The following VIL1 variants were observed in gnomAD, a reference collection of about 807,000 sequenced individuals.
The protein encoded by VIL1 is villin 1, also known as villin-1.
In VIL1, 86 loss-of-function variants were observed where a neutral mutation model predicts 104.0. The observed-to-expected ratio is 0.83, with a 90% CI of 0.69 to 0.99. The LOEUF is 0.99. Among genes scored for constraint, VIL1 ranks in the 50% least tolerant of loss-of-function variants. The pLI is 0.00. For missense variants in VIL1, 944 were observed against 1,054.1 expected (o/e 0.90, Z 1.45); for synonymous variants, 394 against 412.6 (o/e 0.95, Z 0.55).
In VIL1 at chr2:218,428,239, T is replaced by C; in HGVS notation, c.469T>C (p.Trp157Arg). The stretch of plus-strand genomic sequence containing the variant: ...TGTGGCTCCCTAGGTAGAGATGTCC[T>C]GGAAGAGTTTCAACCGAGGGGATGT... ...NVVAGEVEMS[W>R]KSFNRGDVFL... Residue 157 changes from tryptophan to arginine, a missense_variant, in exon 6 of 20, where the codon TGG becomes CGG. Trp to Arg is a moderately radical substitution (Grantham distance 101, BLOSUM62 -3). Coordinates refer to ENST00000248444, the MANE Select transcript of VIL1 (RefSeq NM_007127.3). 1 of 1,614,104 alleles carries C rather than the reference T, an allele frequency of 6.2e-7. No individual in the cohort carries two copies.
intron 4 of VIL1, among the ~76,000 whole-genome samples, chr2:218,427,474 G>A (rs1031106910): frequency 6.6e-6 from 1 of 151,844 alleles, no homozygotes; most frequent in South Asian, 2.1e-4. Context: ...ACAGGCACCC[G>A]CCACCATGCC....
chr2:218,440,198 G>A (rs1689263287), intron 18 of VIL1, among the ~76,000 whole-genome samples: 1 of 152,216 alleles, frequency 6.6e-6, no homozygotes, highest in Admixed American at 6.5e-5. Flanking sequence ...CCATGGGAAA[G>A]TTAATGAATC....
At chr2:218,427,268 TTTC>T (rs2106391134) in intron 4 of VIL1, among the ~76,000 whole-genome samples, 1 of 152,252 alleles carries the variant, frequency 6.6e-6, no homozygotes, top group East Asian at 1.9e-4. Flanking sequence ...ATTCTTTTCT[TTTC>T]TTCCACTTTG....
Position 218,432,150 on chromosome 2 carries a change from C to G in VIL1, c.1308C>G (p.Gly436=), listed in dbSNP as rs759208946. ...CYLLLYTYLI[G]EKQHYLLYVW... The stretch of plus-strand genomic sequence containing the variant: ...TGCTGCTCTACACCTACCTCATCGG[C>G]GAGAAGCAGCATTACCTGCTCTACG... The change falls in exon 12 of 20, where the codon GGC becomes GGG. Residue 436 remains glycine (G), a synonymous_variant. Transcript: ENST00000248444. 3 of 1,613,882 alleles carry G rather than the reference C, an allele frequency of 1.9e-6. No individual in the cohort carries two copies. The African/African-American group carries it at 4.0e-5, about 22-fold the overall frequency.
In VIL1 at chr2:218,428,321, G is replaced by T; in HGVS notation, c.551G>T (p.Arg184Leu). 1 of 1,614,116 alleles carries T rather than the reference G, an allele frequency of 6.2e-7. No individual in the cohort carries two copies. The highest frequency in any genetic ancestry group is 1.3e-5 in the African/African-American group (1 of 75,034). The part of the protein sequence containing the change: ...IIQWNGPEST[R>L]MERLRGMTLA... ...CAGTGGAATGGACCGGAAAGCACCC[G>T]TATGGAGAGACTCAGGGTAAACCTG... Residue 184 changes from arginine (R) to leucine (L), a missense_variant, in exon 6 of 20, where the codon CGT (arginine) becomes CTT (leucine). Coordinates refer to ENST00000248444, the MANE Select transcript of VIL1 (RefSeq NM_007127.3).
chr2:218,431,060 C>T, intron 10 of VIL1, 182 bp downstream of exon 10: 1 of 826,384 alleles, frequency 1.2e-6, no homozygotes. Flanking sequence ...AAAAAGGGAG[C>T]TGAGAGGGCT....
chr2:218,435,579 G>A (rs1689175766), intron 15 of VIL1, 145 bp downstream of exon 15: 4 of 1,178,630 alleles, frequency 3.4e-6, no homozygotes, highest in Non-Finnish European at 3.5e-6. Flanking sequence ...GCTACAAGAT[G>A]AATAAAGGGC....
chr2:218,448,352 G>A (rs532097182), intron 19 of VIL1, among the ~76,000 whole-genome samples: 1 of 152,164 alleles, frequency 6.6e-6, no homozygotes, highest in East Asian at 1.9e-4. Context: ...ATCACTTGAG[G>A]CCAGGAGTTC....
chr2:218,430,673 G>T lies in VIL1; in HGVS notation c.949-52G>T, dbSNP rs1318034441. The T allele has an allele frequency of 2.6e-6, 4 of 1,529,730 alleles. No homozygotes were observed. The Admixed American group carries it at 8.2e-5, about 31-fold the overall frequency. 94.8% of individuals were successfully genotyped at this position (1,529,730 alleles called of 1,614,324 possible). The stretch of plus-strand genomic sequence containing the variant: ...AGAGCTAGGTTTTGGCTTGCATTGG[G>T]AGTGGGGACTAGGGGAGGTGCATAG... On this transcript the variant is annotated intron_variant, in intron 9 of 19. Coordinates refer to ENST00000248444, the MANE Select transcript of VIL1 (RefSeq NM_007127.3).
Position 218,451,431 on chromosome 2 carries a change from G to A in VIL1, c.*2095G>A, listed in dbSNP as rs1689474047. ...ACCACCCTAAATGGGATAACTAAGA[G>A]TATCTACTGCAGTCATTTCAGAGGA... On this transcript the variant is annotated 3_prime_UTR_variant, in exon 20 of 20. Transcript: ENST00000248444. The A allele has an allele frequency of 6.6e-6, 1 of 152,126 alleles. No homozygotes were observed. The highest frequency in any genetic ancestry group is 2.1e-4 in the South Asian group (1 of 4,830). 9.4% of individuals were successfully genotyped at this position (152,126 alleles called of 1,614,324 possible).
intron 18 of VIL1, among the ~76,000 whole-genome samples, chr2:218,440,514 C>T (rs1023519553): frequency 6.6e-6 from 1 of 152,196 alleles, no homozygotes; most frequent in African/African-American, 2.4e-5. Context: ...AAGTGATCCA[C>T]CCACCTCAGC....
At chr2:218,432,612 G>C (rs1689119454) in intron 12 of VIL1, 181 bp from the exon 13 acceptor site, 2 of 905,260 alleles carry the variant, frequency 2.2e-6, no homozygotes, top group Non-Finnish European at 3.5e-6. Context: ...TTGAGGTTGA[G>C]ATCAGAACTG....
At chr2:218,420,428 C>CAAAAAAAAAAAAAA (rs71064447) in intron 1 of VIL1, among the ~76,000 whole-genome samples, 22 of 79,696 alleles carry the variant, frequency 2.8e-4, no homozygotes, top group Admixed American at 4.7e-4. Flanking sequence ...GACTCTGTCT[C>CAAAAAAAAAAAAAA]AAAAAAAAAA....
chr2:218,444,161 G>A (rs1306827808), intron 19 of VIL1, among the ~76,000 whole-genome samples: 2 of 150,942 alleles, frequency 1.3e-5, no homozygotes, highest in Non-Finnish European at 2.9e-5. Context: ...GTTGAGACAG[G>A]GTTTCACCAG....
intron 18 of VIL1, among the ~76,000 whole-genome samples, 200 bp downstream of exon 18, chr2:218,438,926 AT>A (rs34676834): frequency 0.3 from 31,617 of 107,014 alleles, 2,688 homozygotes; most frequent in Non-Finnish European, 0.33. Flanking sequence ...ATGGTTCTCA[AT>A]TTTTTTTTTT....
chr2:218,434,412 A>G, intron 13 of VIL1, 114 bp from the exon 14 acceptor site: 2 of 1,045,096 alleles, frequency 1.9e-6, no homozygotes, highest in Non-Finnish European at 1.4e-6. Context: ...ACGGAGCATC[A>G]GAGGAGCTCA....
At chr2:218,430,086 G>C in intron 9 of VIL1, 139 bp downstream of exon 9, 1 of 794,388 alleles carries the variant, frequency 1.3e-6, no homozygotes, top group South Asian at 1.8e-5. Context: ...GGGAGGAGCA[G>C]GATGAGGGCT....
At chr2:218,447,400 C>T (rs891280987) in intron 19 of VIL1, among the ~76,000 whole-genome samples, 19 of 152,184 alleles carry the variant, frequency 1.2e-4, no homozygotes, top group Non-Finnish European at 2.5e-4. Context: ...TTACTGCAAC[C>T]TCTGCCACCT....
intron 17 of VIL1, 89 bp downstream of exon 17, chr2:218,437,401 T>C (rs1214303553): frequency 1.4e-6 from 2 of 1,472,038 alleles, no homozygotes; most frequent in Non-Finnish European, 1.8e-6. Flanking sequence ...CTTTGGGATA[T>C]ATGACCTGCT....
Sources: gnomAD v4.1 joint callset for allele counts (sites outside exome capture counted in the v4.1 genomes callset) on GRCh38, gnomAD v4.1.1 for gene constraint, MANE v1.5 for transcripts, NCBI Gene and HGNC (gene_info 2026-07-23, HGNC 2026-07-21) for gene names.